DTHD1: variants seen among roughly 807,000 people sequenced by gnomAD.
DTHD1 encodes the protein death domain containing 1.
Under a neutral mutation model 74.8 loss-of-function variants are expected in DTHD1, and 59 were observed. The observed-to-expected ratio is 0.79, with a 90% CI of 0.64 to 0.98. The LOEUF (loss-of-function observed/expected upper bound fraction) is 0.98, where lower values mean the gene tolerates loss of function less well. Ranked by LOEUF, DTHD1 falls within the 50% of genes least tolerant of loss-of-function variation. The probability of loss-of-function intolerance (pLI) is 0.00; values close to 1 mark genes in which losing one functional copy is unlikely to be tolerated. For synonymous variants in DTHD1, 365 were observed against 371.1 expected (o/e 0.98, Z 0.19); for missense variants, 1,051 against 1,065.4 (o/e 0.99, Z 0.19).
At chr4:36,286,562 A>C (rs1314926524) in intron 2 of DTHD1, among the ~76,000 whole-genome samples, 2 of 152,228 alleles carry the variant, frequency 1.3e-5, no homozygotes, top group East Asian at 3.8e-4. Flanking sequence ...CAAAAAGGGA[A>C]AATAAGGCTA....
At chr4:36,335,285 A>G (rs1313002555) in intron 8 of DTHD1, among the ~76,000 whole-genome samples, 5 of 152,086 alleles carry the variant, frequency 3.3e-5, no homozygotes, top group Non-Finnish European at 7.4e-5. Context: ...GTGCAGTGGC[A>G]TGATTTCAGC....
intron 7 of DTHD1, 38 bp from the exon 8 acceptor site, chr4:36,316,204 T>TA: frequency 1.3e-6 from 2 of 1,536,380 alleles, no homozygotes; most frequent in Non-Finnish European, 1.8e-6. Flanking sequence ...CAAAGTGAGA[T>TA]AACTTAATGG....
chr4:36,290,971 C>G (rs188427531), intron 3 of DTHD1, among the ~76,000 whole-genome samples: 2 of 152,176 alleles, frequency 1.3e-5, no homozygotes, highest in Non-Finnish European at 2.9e-5. Context: ...AAAATCATGG[C>G]TTAATTACTT....
Position 36,345,271 on chromosome 4 carries a change from G to A in DTHD1, c.*1447G>A, listed in dbSNP as rs1249298512. ...TAAACCCCTCTTTCTATTGATAATC[G>A]CTATTAATGTCTAGTATAAGCTTTG... On this transcript the variant is annotated 3_prime_UTR_variant, in exon 10 of 10. Transcript: ENST00000639862. 2.0e-5 allele frequency: 3 copies of A among 152,138 alleles called. No homozygotes were observed. Among genetic ancestry groups the A allele is most frequent in the East Asian group, 1.9e-4 (1 of 5,186 alleles). 9.4% of individuals were successfully genotyped at this position (152,138 alleles called of 1,614,324 possible).
rs376760844 is a variant in DTHD1, at chr4:36,343,591, C to G, written c.2488C>G (p.Arg830Gly). 165 of 1,551,736 alleles carry G rather than the reference C, an allele frequency of 1.1e-4. 2 individuals carry two copies. The South Asian group carries it at 1.7e-3, about 16-fold the overall frequency. Residue 830 changes from arginine (R) to glycine (G), a missense_variant, in exon 10 of 10, where the codon CGT (arginine) becomes GGT (glycine). Coordinates refer to ENST00000639862, the MANE Select transcript of DTHD1 (RefSeq NM_001170700.3). ...ESLSSTLPLR[R>G]STIQLIKLKN... The stretch of plus-strand genomic sequence containing the variant: ...TCTTTCCTCAACTCTCCCTCTGCGC[C>G]GTAGCACCATTCAGCTCATCAAACT...
chr4:36,346,471 T>C lies in DTHD1; in HGVS notation c.*2647T>C, dbSNP rs1025901367. Among the ~76,000 whole-genome samples, 1 of 151,846 alleles carries C rather than the reference T, an allele frequency of 6.6e-6. No individual in the cohort carries two copies. Among genetic ancestry groups the C allele is most frequent in the Admixed American group, 6.6e-5 (1 of 15,224 alleles). The stretch of plus-strand genomic sequence containing the variant: ...ACATATTGTTGTTACAGTAAAGCAA[T>C]AAAAAGGTACATAGAGAAAACAATT... On this transcript the variant is annotated 3_prime_UTR_variant, in exon 10 of 10. Coordinates refer to ENST00000639862, the MANE Select transcript of DTHD1 (RefSeq NM_001170700.3).
rs1755580620 is a variant in DTHD1 at position 36,284,401 on chromosome 4, A to G, written c.697A>G (p.Asn233Asp). Residue 233 changes from asparagine (N) to aspartate (D), a missense_variant, in exon 2 of 10, where the codon AAT becomes GAT. Transcript: ENST00000639862. ...AGAACACATGACTGTTGAGAACATA[A>G]ATGGCAACAGGGAAGAGACTCATGG... ...QIEHMTVENINGNREETHGII... is the reference protein window; with the variant it reads ...QIEHMTVENIDGNREETHGII... 2 of 1,537,164 alleles carry G rather than the reference A, an allele frequency of 1.3e-6. No individual in the cohort carries two copies. Among genetic ancestry groups the G allele is most frequent in the African/African-American group, 1.4e-5 (1 of 73,174 alleles).
At chr4:36,300,148 T>C (rs1242973065) in intron 5 of DTHD1, among the ~76,000 whole-genome samples, 1 of 152,222 alleles carries the variant, frequency 6.6e-6, no homozygotes, top group Admixed American at 6.5e-5. Context: ...CTGTCATCCA[T>C]GGTATTTAGC....
At chr4:36,317,721 A>C (rs1038816905) in intron 8 of DTHD1, among the ~76,000 whole-genome samples, 2 of 152,248 alleles carry the variant, frequency 1.3e-5, no homozygotes, top group African/African-American at 2.4e-5. Flanking sequence ...ATTACGTTGT[A>C]AAATAGTAAC....
chr4:36,304,983 T>C (rs1193043080), intron 5 of DTHD1, among the ~76,000 whole-genome samples: 5 of 152,294 alleles, frequency 3.3e-5, no homozygotes, highest in Admixed American at 6.5e-5. Flanking sequence ...TGGCTGGCTG[T>C]TGGAAATTGG....
chr4:36,285,190 A>C (rs916775936), intron 2 of DTHD1, among the ~76,000 whole-genome samples: 6 of 152,218 alleles, frequency 3.9e-5, no homozygotes, highest in African/African-American at 1.4e-4. Flanking sequence ...GGAATTGAGT[A>C]GATACGAAAG....
In DTHD1 at chr4:36,306,269, C is replaced by T. The variant is rs1478607127; in HGVS notation, c.1722C>T (p.Asp574=). The T allele has an allele frequency of 6.4e-7, 1 of 1,551,766 alleles. No individual in the cohort carries two copies. The highest frequency in any genetic ancestry group is 1.2e-5 in the South Asian group (1 of 84,060). ...CLKLLGFRSQ[D]SGWCGLDDVV... ...AATTACTGGGATTCAGAAGCCAAGA[C>T]AGTGGTTGGTGTGGGCTTGATGATG... is the stretch of plus-strand genomic sequence containing the variant. Residue 574 remains aspartate (D), a synonymous_variant, in exon 6 of 10, where the codon GAC becomes GAT. Coordinates refer to ENST00000639862, the MANE Select transcript of DTHD1 (RefSeq NM_001170700.3).
At chr4:36,299,338 T>A (rs941089420) in intron 5 of DTHD1, among the ~76,000 whole-genome samples, 1 of 152,182 alleles carries the variant, frequency 6.6e-6, no homozygotes, top group Non-Finnish European at 1.5e-5. Flanking sequence ...TTTTTTCCAC[T>A]TCTTTGGAGA....
intron 8 of DTHD1, chr4:36,333,707 C>G (rs1758834302): frequency 6.6e-6 from 1 of 152,278 alleles, no homozygotes; most frequent in Non-Finnish European, 1.5e-5. Flanking sequence ...AACTAAAGGA[C>G]AGGTAGAAAC....
intron 6 of DTHD1, among the ~76,000 whole-genome samples, chr4:36,307,023 C>T (rs1490841091): frequency 1.3e-5 from 2 of 152,178 alleles, no homozygotes; most frequent in Non-Finnish European, 2.9e-5. Flanking sequence ...TGACACGCTC[C>T]GGGGAGCTCT....
chr4:36,332,501 C>T (rs1457432950), intron 8 of DTHD1, among the ~76,000 whole-genome samples: 1 of 152,156 alleles, frequency 6.6e-6, no homozygotes, highest in Non-Finnish European at 1.5e-5. Context: ...AACAAATCAG[C>T]CCTAAAGCTG....
rs1170296905 is a variant in DTHD1 at position 36,294,570 on chromosome 4, C to G, written c.1399-225C>G. Reference sequence around the variant, plus strand: ...TTTCTTAGTTATTTATAACATAAGACAGGGAACCCAGATTTCAGAAGGACT... The same window carrying G: ...TTTCTTAGTTATTTATAACATAAGAGAGGGAACCCAGATTTCAGAAGGACT... On this transcript the variant is annotated intron_variant, in intron 4 of 9. Transcript: ENST00000639862. Among the ~76,000 whole-genome samples the G allele has an allele frequency of 2.0e-5, 3 of 151,954 alleles. No homozygotes were observed. In the East Asian group the frequency reaches 5.8e-4, roughly 29 times the overall value.
At chr4:36,321,128 C>T (rs911149739) in intron 8 of DTHD1, among the ~76,000 whole-genome samples, 17 of 152,238 alleles carry the variant, frequency 1.1e-4, no homozygotes, top group African/African-American at 3.9e-4. Flanking sequence ...ACAGTGTATC[C>T]CAAAGGCTCA....
intron 8 of DTHD1, among the ~76,000 whole-genome samples, chr4:36,318,778 C>T (rs1192456985): frequency 2.0e-5 from 3 of 152,052 alleles, no homozygotes; most frequent in Non-Finnish European, 2.9e-5. Flanking sequence ...CCACGCCCAG[C>T]TAATTTTTTG....
Sources: allele counts gnomAD v4.1 joint callset (sites outside exome capture counted in the v4.1 genomes callset), GRCh38; gene constraint gnomAD v4.1.1; transcripts MANE v1.5; gene names NCBI Gene and HGNC (gene_info 2026-07-23, HGNC 2026-07-21).